Variants in NRG3 observed in about 807,000 individuals in gnomAD.
The protein encoded by NRG3 is pro-neuregulin-3, membrane-bound isoform.
In NRG3, 31 loss-of-function variants were observed where a neutral mutation model predicts 66.9. That is an observed-to-expected ratio of 0.46 (90% CI 0.35 to 0.63). The LOEUF is 0.63. Ranked by LOEUF, NRG3 falls within the 20% of genes least tolerant of loss-of-function variation. NRG3 has a pLI of 0.00. For missense variants in NRG3, 910 were observed against 878.9 expected (o/e 1.04, Z -0.45); for synonymous variants, 393 against 359.4 (o/e 1.09, Z -1.06).
intron 1 of NRG3, among the ~76,000 whole-genome samples, chr10:82,328,885 C>CA (rs1412077692): frequency 6.6e-6 from 1 of 152,234 alleles, no homozygotes; most frequent in Non-Finnish European, 1.5e-5. Flanking sequence ...AAGTTTGCCT[C>CA]ATCCATGCTT....
chr10:82,603,682 T>G (rs1379926409), intron 2 of NRG3, among the ~76,000 whole-genome samples: 2 of 152,154 alleles, frequency 1.3e-5, no homozygotes, highest in Non-Finnish European at 2.9e-5. Context: ...AAAAAAAAAG[T>G]CTCAGGTGAA....
At chr10:82,897,097 A>G (rs1208802014) in intron 4 of NRG3, among the ~76,000 whole-genome samples, 3 of 152,234 alleles carry the variant, frequency 2.0e-5, no homozygotes, top group Non-Finnish European at 2.9e-5. Context: ...CTGAACAACA[A>G]CATGGTTTGA....
At chr10:82,829,393 G>A (rs1050940859) in intron 3 of NRG3, among the ~76,000 whole-genome samples, 1 of 152,140 alleles carries the variant, frequency 6.6e-6, no homozygotes, top group African/African-American at 2.4e-5. Context: ...ATGGTTTTCT[G>A]TAACAAGTGA....
At chr10:82,802,250 G>T (rs1301350233) in intron 3 of NRG3, among the ~76,000 whole-genome samples, 1 of 152,206 alleles carries the variant, frequency 6.6e-6, no homozygotes, top group Non-Finnish European at 1.5e-5. Context: ...GCCCTGGTGT[G>T]TTGCCACAAA....
chr10:82,146,206 G>T (rs1458269149), intron 1 of NRG3, among the ~76,000 whole-genome samples: 3 of 152,164 alleles, frequency 2.0e-5, no homozygotes, highest in South Asian at 2.1e-4. Context: ...GATTGTAAAA[G>T]AGAATAGAGC....
chr10:82,783,953 A>G (rs552414369), intron 3 of NRG3, among the ~76,000 whole-genome samples: 39 of 152,078 alleles, frequency 2.6e-4, no homozygotes, highest in African/African-American at 9.2e-4. Context: ...CCTGACTTCA[A>G]ACTATACTAC....
intron 3 of NRG3, among the ~76,000 whole-genome samples, chr10:82,793,669 T>A (rs879543065): frequency 3.3e-4 from 50 of 152,210 alleles, no homozygotes; most frequent in Non-Finnish European, 6.6e-4. Context: ...TAATCTTTAA[T>A]GTCTGTTGTG....
At position 81,875,992 on chromosome 10, in the gene NRG3, A is replaced by G; in HGVS notation, c.652A>G (p.Thr218Ala). ...SRPPVPGTPS[T>A]QAMPSWPTAA... Reference sequence around the variant, plus strand: ...ACCCCCGGTGCCAGGAACTCCAAGTACCCAGGCAATGCCCTCCTGGCCTAC... The same window carrying G: ...ACCCCCGGTGCCAGGAACTCCAAGTGCCCAGGCAATGCCCTCCTGGCCTAC... Residue 218 changes from threonine to alanine, a missense_variant, in exon 1 of 9, where the codon ACC becomes GCC. Coordinates refer to ENST00000372141, the MANE Select transcript of NRG3 (RefSeq NM_001010848.4). This position sits in a 1 kb window ranked among gnomAD's most constrained non-coding sequence, Gnocchi z 5.3. 6.2e-7 allele frequency: 1 copy of G among 1,614,052 alleles called. No individual in the cohort carries two copies.
intron 2 of NRG3, among the ~76,000 whole-genome samples, chr10:82,422,280 A>G (rs952700419): frequency 6.6e-5 from 10 of 152,064 alleles, no homozygotes; most frequent in South Asian, 2.1e-4. Flanking sequence ...AAACAGAGAA[A>G]AGTACATGTT....
At chr10:82,907,147 G>A (rs1290018848) in intron 4 of NRG3, among the ~76,000 whole-genome samples, 1 of 152,136 alleles carries the variant, frequency 6.6e-6, no homozygotes, top group Non-Finnish European at 1.5e-5. Flanking sequence ...CTCTCTTGGG[G>A]CGCTGTCTAC....
At chr10:82,745,223 G>T (rs1298748127) in intron 3 of NRG3, among the ~76,000 whole-genome samples, 2 of 152,194 alleles carry the variant, frequency 1.3e-5, no homozygotes, top group Non-Finnish European at 2.9e-5. Context: ...GTGAACTGTT[G>T]TACAAGCTGC....
At chr10:82,722,410 A>G (rs142005616) in intron 2 of NRG3, among the ~76,000 whole-genome samples, 2 of 152,348 alleles carry the variant, frequency 1.3e-5, no homozygotes, top group Non-Finnish European at 2.9e-5. Flanking sequence ...ATGAGACATT[A>G]TAAATGGGTC....
intron 1 of NRG3, among the ~76,000 whole-genome samples, chr10:82,208,380 A>G (rs940072971): frequency 3.9e-5 from 6 of 152,188 alleles, no homozygotes; most frequent in African/African-American, 1.4e-4. Flanking sequence ...ATGACCAGCA[A>G]GATTATAATA....
intron 1 of NRG3, among the ~76,000 whole-genome samples, chr10:82,255,707 A>G (rs758384542): frequency 2.0e-5 from 3 of 151,990 alleles, no homozygotes; most frequent in Non-Finnish European, 2.9e-5. Context: ...GGTTCAAGCA[A>G]TTCTCCTGCC....
At chr10:82,553,285 C>A (rs1334959716) in intron 2 of NRG3, among the ~76,000 whole-genome samples, 2 of 148,450 alleles carry the variant, frequency 1.3e-5, no homozygotes, top group Non-Finnish European at 3.0e-5. Flanking sequence ...TTTTTTTTTT[C>A]TAAAGACAAA....
intron 1 of NRG3, among the ~76,000 whole-genome samples, chr10:82,296,780 T>A (rs1337840342): frequency 5.4e-5 from 8 of 146,890 alleles, no homozygotes; most frequent in African/African-American, 2.0e-4. Context: ...GTGTATGTAT[T>A]TTTTTTTTTT....
chr10:82,835,912 TG>T (rs1283589169), intron 3 of NRG3, among the ~76,000 whole-genome samples: 1 of 152,126 alleles, frequency 6.6e-6, no homozygotes, highest in Non-Finnish European at 1.5e-5. Flanking sequence ...GAAAGGGAGT[TG>T]TTGACCTTTG....
chr10:82,085,271 C>A (rs2065649718), intron 1 of NRG3, among the ~76,000 whole-genome samples: 1 of 152,128 alleles, frequency 6.6e-6, no homozygotes, highest in Non-Finnish European at 1.5e-5. Flanking sequence ...ATGGAGGAGA[C>A]CATAATACTC....
intron 3 of NRG3, among the ~76,000 whole-genome samples, chr10:82,814,464 C>T (rs2061621669): frequency 6.6e-6 from 1 of 152,160 alleles, no homozygotes; most frequent in African/African-American, 2.4e-5. Context: ...GGGCTTCTCC[C>T]CGAAGACTAC....
Sources: gnomAD v4.1 joint callset for allele counts (sites outside exome capture counted in the v4.1 genomes callset) on GRCh38, gnomAD v4.1.1 for gene constraint, Gnocchi (gnomAD v3.1) non-coding constraint, MANE v1.5 for transcripts, NCBI Gene and HGNC (gene_info 2026-07-23, HGNC 2026-07-21) for gene names.